The following C4orf33 variants were observed in gnomAD, a reference collection of about 807,000 sequenced individuals.
C4orf33 encodes the protein chromosome 4 open reading frame 33, also known as UPF0462 protein C4orf33.
In C4orf33, 20 loss-of-function variants were observed where a neutral mutation model predicts 24.3. That is an observed-to-expected ratio of 0.82 (90% CI 0.58 to 1.19). C4orf33 has a LOEUF of 1.19. Ranked by LOEUF, C4orf33 falls within the 50% of genes most tolerant of loss-of-function variation. C4orf33 has a pLI of 0.00. For synonymous variants in C4orf33, 67 were observed against 76.4 expected (o/e 0.88, Z 0.64); for missense variants, 207 against 225.9 (o/e 0.92, Z 0.54).
chr4:129,104,982 GTGAT>G (rs879727413), intron 2 of C4orf33, among the ~76,000 whole-genome samples: 388 of 151,666 alleles, frequency 2.6e-3, no homozygotes, highest in Middle Eastern at 6.8e-3. Context: ...GTGTGTGTGT[GTGAT>G]ATATATACAC....
intron 5 of C4orf33, among the ~76,000 whole-genome samples, chr4:129,110,605 T>C (rs1329531658): frequency 3.9e-5 from 6 of 152,202 alleles, no homozygotes; most frequent in East Asian, 1.9e-4. Flanking sequence ...TAGTGAGCAT[T>C]GCACTATGGT....
upstream of C4orf33, among the ~76,000 whole-genome samples, chr4:129,095,891 G>C (rs1753190423): frequency 6.6e-6 from 1 of 152,166 alleles, no homozygotes; most frequent in Non-Finnish European, 1.5e-5. Flanking sequence ...TGTATTAAAT[G>C]AAATATTTCT....
At chr4:129,110,584 CAG>C (rs1346177815) in intron 5 of C4orf33, among the ~76,000 whole-genome samples, 1 of 152,174 alleles carries the variant, frequency 6.6e-6, no homozygotes, top group African/African-American at 2.4e-5. Flanking sequence ...AAGAACCTAA[CAG>C]AAACATCCTA....
chr4:129,096,667 A>AT (rs1380147386), intron 1 of C4orf33, among the ~76,000 whole-genome samples: 1 of 152,112 alleles, frequency 6.6e-6, no homozygotes, highest in African/African-American at 2.4e-5. Flanking sequence ...TTGAAAATTT[A>AT]TTTTTTTAAC....
intron 2 of C4orf33, among the ~76,000 whole-genome samples, chr4:129,103,859 A>G (rs971418349): frequency 6.6e-6 from 1 of 152,204 alleles, no homozygotes; most frequent in African/African-American, 2.4e-5. Context: ...ATTTTGATGA[A>G]TCTTCTAGTC....
rs1753705389 is a variant in C4orf33 at position 129,112,091 on chromosome 4, A to G, written c.*300A>G. On this transcript the variant is annotated 3_prime_UTR_variant, in exon 6 of 6. Transcript: ENST00000425929. ...AAACTACAAGTGAAAAAGGGGGAAC[A>G]ATTGAGGTTGTCCAAGGCCACCTAG... 3 of 204,642 alleles carry G rather than the reference A, an allele frequency of 1.5e-5. No individual in the cohort carries two copies. The highest frequency in any genetic ancestry group is 2.0e-5 in the Non-Finnish European group (2 of 101,916). 12.7% of individuals were successfully genotyped at this position (204,642 alleles called of 1,614,324 possible).
At chr4:129,109,859 C>A in intron 5 of C4orf33, 187 bp downstream of exon 5, 1 of 959,818 alleles carries the variant, frequency 1.0e-6, no homozygotes, top group Non-Finnish European at 1.5e-6. Flanking sequence ...CATAATCTCT[C>A]TCACTACTGT....
At chr4:129,099,392 A>G (rs183589225) in intron 1 of C4orf33, among the ~76,000 whole-genome samples, 4 of 152,194 alleles carry the variant, frequency 2.6e-5, no homozygotes, top group Non-Finnish European at 5.9e-5. Flanking sequence ...TGGGCTTATT[A>G]TCTTTGTTAT....
rs1753749181 is a variant in C4orf33, at chr4:129,114,857, A to G, written c.*3066A>G. The stretch of plus-strand genomic sequence containing the variant: ...ACTATTAATGGAAGCAGTATAGAGT[A>G]TGTCCTTCCTAGGGGATTCATTGAG... On this transcript the variant is annotated 3_prime_UTR_variant, in exon 6 of 6. Transcript: ENST00000425929. The G allele has an allele frequency of 1.3e-5, 2 of 152,156 alleles. No individual in the cohort carries two copies. The highest frequency in any genetic ancestry group is 4.8e-5 in the African/African-American group (2 of 41,428). 9.4% of individuals were successfully genotyped at this position (152,156 alleles called of 1,614,324 possible).
intron 3 of C4orf33, 148 bp downstream of exon 3, chr4:129,106,795 TAGTTTCAAGTACAGAGC>T: frequency 2.0e-6 from 1 of 496,346 alleles, no homozygotes; most frequent in Non-Finnish European, 3.6e-6. Context: ...ATATATTTCT[TAGTTTCAAGTACAGAGC>T]ACATATTTAG....
At chr4:129,107,764 A>G (rs1243639251) in intron 3 of C4orf33, among the ~76,000 whole-genome samples, 1 of 152,072 alleles carries the variant, frequency 6.6e-6, no homozygotes, top group African/African-American at 2.4e-5. Flanking sequence ...AAACTAAGGC[A>G]AACATTCATA....
upstream of C4orf33, among the ~76,000 whole-genome samples, chr4:129,095,500 A>G (rs1753179309): frequency 1.3e-5 from 2 of 152,194 alleles, no homozygotes; most frequent in Admixed American, 1.3e-4. Flanking sequence ...AAATGTATGT[A>G]GTTTGTGTGT....
upstream of C4orf33, among the ~76,000 whole-genome samples, chr4:129,094,752 G>A (rs1032106710): frequency 9.2e-5 from 14 of 152,130 alleles, no homozygotes; most frequent in South Asian, 1.2e-3. Context: ...TAGCTATAAC[G>A]TTTACACAAA....
chr4:129,100,954 A>G (rs1174466025), intron 1 of C4orf33, among the ~76,000 whole-genome samples: 4 of 152,224 alleles, frequency 2.6e-5, no homozygotes, highest in Non-Finnish European at 4.4e-5. Flanking sequence ...TTTCAACTAA[A>G]GAAAATAAAT....
rs1406713215 is a variant in C4orf33 at position 129,111,706 on chromosome 4, A to G, written c.515A>G (p.Lys172Arg). Residue 172 changes from lysine to arginine, a missense_variant, in exon 6 of 6, where the codon AAG becomes AGG. Transcript: ENST00000425929. ...KPDFHCLEYF[K>R]SFNFNTLLGE... ...TTTAGCCATTGCCTAGAATACTTCA[A>G]GTCTTTCAATTTTAACACACTGCTT... 4 of 1,611,058 alleles carry G rather than the reference A, an allele frequency of 2.5e-6. No individual in the cohort carries two copies. Among genetic ancestry groups the G allele is most frequent in the Non-Finnish European group, 3.4e-6 (4 of 1,177,808 alleles).
chr4:129,102,597 T>C lies in C4orf33; in HGVS notation c.-9-5T>C, dbSNP rs1245534229. ...AAGAGTTTGTTTTAACATATTTTCTTTTAGAGACTTCAGATGGATTTTAAA... is the reference window on the plus strand; with the variant it reads ...AAGAGTTTGTTTTAACATATTTTCTCTTAGAGACTTCAGATGGATTTTAAA... On this transcript the variant is annotated splice_polypyrimidine_tract_variant and splice_region_variant and intron_variant, in intron 1 of 5. Coordinates refer to ENST00000425929, the MANE Select transcript of C4orf33 (RefSeq NM_001099783.2). 1 of 1,578,356 alleles carries C rather than the reference T, an allele frequency of 6.3e-7. No homozygotes were observed. Among genetic ancestry groups the C allele is most frequent in the South Asian group, 1.2e-5 (1 of 86,748 alleles).
chr4:129,108,448 A>G (rs1477568112), intron 3 of C4orf33, among the ~76,000 whole-genome samples: 2 of 152,204 alleles, frequency 1.3e-5, no homozygotes, highest in Non-Finnish European at 2.9e-5. Context: ...GCAGGAAAAC[A>G]CAAGAGGCAG....
chr4:129,111,217 G>T (rs906116349), intron 5 of C4orf33, among the ~76,000 whole-genome samples: 5 of 152,230 alleles, frequency 3.3e-5, no homozygotes, highest in Admixed American at 1.3e-4. Flanking sequence ...CGAAAGAAAA[G>T]AACTGGGATT....
intron 5 of C4orf33, among the ~76,000 whole-genome samples, chr4:129,110,767 C>A (rs1054499205): frequency 6.6e-6 from 1 of 152,068 alleles, no homozygotes; most frequent in Admixed American, 6.6e-5. Context: ...TATTTTTTCC[C>A]CTTTTCCCTT....
Sources: allele counts gnomAD v4.1 joint callset (sites outside exome capture counted in the v4.1 genomes callset), GRCh38; gene constraint gnomAD v4.1.1; transcripts MANE v1.5; gene names NCBI Gene and HGNC (gene_info 2026-07-23, HGNC 2026-07-21).